ABCB5: variants seen among roughly 807,000 people sequenced by gnomAD.
The protein encoded by ABCB5 is ATP binding cassette subfamily B member 5, also known as ATP-binding cassette sub-family B member 5.
ABCB5 carries 155 observed loss-of-function variants against 144.2 expected under a neutral mutation model. The observed-to-expected ratio is 1.08, with a 90% CI of 0.94 to 1.23. The LOEUF (loss-of-function observed/expected upper bound fraction) is 1.23. Among genes scored for constraint, ABCB5 ranks in the 50% most tolerant of loss-of-function variants. The pLI is 0.00. For missense variants in ABCB5, 1,830 were observed against 1,520.8 expected (o/e 1.20, Z -3.38); for synonymous variants, 610 against 528.6 (o/e 1.15, Z -2.11).
At chr7:20,681,365 G>A (rs1330082037) in intron 14 of ABCB5, 140 bp from the exon 15 acceptor site, 8 of 817,940 alleles carry the variant, frequency 9.8e-6, no homozygotes, top group Non-Finnish European at 1.5e-5. Flanking sequence ...GACCTCAGGT[G>A]ATCCACCCTC....
intron 20 of ABCB5, among the ~76,000 whole-genome samples, chr7:20,714,968 A>T (rs534558780): frequency 6.6e-6 from 1 of 152,274 alleles, no homozygotes; most frequent in Non-Finnish European, 1.5e-5. Context: ...TCTTTCCCTA[A>T]TACACTACCC....
intron 14 of ABCB5, among the ~76,000 whole-genome samples, chr7:20,669,196 C>A (rs1180916805): frequency 4.1e-5 from 6 of 146,698 alleles, no homozygotes. Flanking sequence ...AGGAGCCCCT[C>A]TGCCCGGCCA....
chr7:20,723,741 T>G (rs934201381), intron 21 of ABCB5, among the ~76,000 whole-genome samples: 10 of 152,226 alleles, frequency 6.6e-5, no homozygotes, highest in Admixed American at 6.5e-4. Flanking sequence ...CAAATTTTCT[T>G]GAGCAATTCT....
chr7:20,626,631 A>C lies in ABCB5; in HGVS notation c.108+20A>C, dbSNP rs182947689. 9.4e-6 allele frequency: 15 copies of C among 1,587,922 alleles called. No individual in the cohort carries two copies. The Admixed American group carries it at 2.3e-4, about 25-fold the overall frequency. ...GAGATAGTAAGTGAAATCAGTTAGA[A>C]AGTACATGCATTAGAAGATTTTAGA... On this transcript the variant is annotated intron_variant, in intron 3 of 27. Coordinates refer to ENST00000404938, the MANE Select transcript of ABCB5 (RefSeq NM_001163941.2).
chr7:20,671,213 C>T (rs139020989), intron 14 of ABCB5, among the ~76,000 whole-genome samples: 4 of 152,272 alleles, frequency 2.6e-5, no homozygotes, highest in East Asian at 3.8e-4. Context: ...TTTTGCAGGG[C>T]ATTCATTAAA....
chr7:20,707,339 G>T (rs964994461), intron 20 of ABCB5, among the ~76,000 whole-genome samples: 1 of 152,120 alleles, frequency 6.6e-6, no homozygotes, highest in Non-Finnish European at 1.5e-5. Flanking sequence ...GTGAAATAGA[G>T]TCATAGGACA....
chr7:20,753,401 T>C lies in ABCB5; in HGVS notation c.3471T>C (p.Ser1157=). 1.2e-6 allele frequency: 2 copies of C among 1,614,164 alleles called. No individual in the cohort carries two copies. Among genetic ancestry groups the C allele is most frequent in the Non-Finnish European group, 8.5e-7 (1 of 1,180,008 alleles). Residue 1157 remains serine (S), a synonymous_variant, in exon 27 of 28, where the codon TCT becomes TCC. Coordinates refer to ENST00000404938, the MANE Select transcript of ABCB5 (RefSeq NM_001163941.2). ...TTGGACTGAAAGGAGCACAGCTTTCTGGCGGCCAGAAACAAAGACTAGCTA... is the reference window on the plus strand; with the variant it reads ...TTGGACTGAAAGGAGCACAGCTTTCCGGCGGCCAGAAACAAAGACTAGCTA... ...TQVGLKGAQL[S]GGQKQRLAIA...
At position 20,745,223 on chromosome 7, in the gene ABCB5, T is replaced by C; in HGVS notation, c.3223-9T>C. The C allele has an allele frequency of 6.2e-7, 1 of 1,613,772 alleles. No homozygotes were observed. Among genetic ancestry groups the C allele is most frequent in the East Asian group, 2.2e-5 (1 of 44,876 alleles). ...CTTAACACACCATTCTCCAATCTGCTTTTGGCAGCTGTTTGATGGTGTGGA... is the reference window on the plus strand; with the variant it reads ...CTTAACACACCATTCTCCAATCTGCCTTTGGCAGCTGTTTGATGGTGTGGA... On this transcript the variant is annotated splice_polypyrimidine_tract_variant and intron_variant, in intron 25 of 27. Coordinates refer to ENST00000404938, the MANE Select transcript of ABCB5 (RefSeq NM_001163941.2).
intron 6 of ABCB5, 24 bp downstream of exon 6, chr7:20,643,399 G>C: frequency 6.2e-7 from 1 of 1,613,376 alleles, no homozygotes; most frequent in Non-Finnish European, 8.5e-7. Flanking sequence ...ATTGTAGTAC[G>C]TTAGCTTTGT....
At chr7:20,743,213 C>T in intron 25 of ABCB5, 139 bp downstream of exon 25, 1 of 861,188 alleles carries the variant, frequency 1.2e-6, no homozygotes, top group Non-Finnish European at 1.8e-6. Context: ...TCTGTGTCAA[C>T]CCTTAACTAA....
intron 7 of ABCB5, among the ~76,000 whole-genome samples, chr7:20,644,755 T>G (rs1784366657): frequency 1.3e-5 from 2 of 152,224 alleles, no homozygotes; most frequent in South Asian, 2.1e-4. Flanking sequence ...GTTTATTTAC[T>G]AACAATATAG....
intron 16 of ABCB5, among the ~76,000 whole-genome samples, chr7:20,694,100 T>A (rs1003257814): frequency 1.4e-5 from 2 of 146,546 alleles, no homozygotes; most frequent in African/African-American, 5.0e-5. Flanking sequence ...AAAAAAGTGA[T>A]AAGGAAGAAG....
At chr7:20,623,788 T>C (rs1019218867) in intron 2 of ABCB5, among the ~76,000 whole-genome samples, 1 of 152,224 alleles carries the variant, frequency 6.6e-6, no homozygotes, top group Non-Finnish European at 1.5e-5. Context: ...TGGAATTCAT[T>C]AATTGAGAGT....
intron 27 of ABCB5, among the ~76,000 whole-genome samples, chr7:20,754,972 G>A (rs553280737): frequency 3.3e-5 from 5 of 149,702 alleles, no homozygotes; most frequent in South Asian, 2.1e-4. Context: ...TTTTTGAGAC[G>A]GAGTTTCACT....
At chr7:20,714,930 T>C (rs915137804) in intron 20 of ABCB5, among the ~76,000 whole-genome samples, 1 of 152,226 alleles carries the variant, frequency 6.6e-6, no homozygotes. Flanking sequence ...AATATTTGTC[T>C]AGCGTGGCTC....
chr7:20,691,615 T>C (rs937226601), intron 16 of ABCB5, among the ~76,000 whole-genome samples: 1 of 151,684 alleles, frequency 6.6e-6, no homozygotes, highest in Non-Finnish European at 1.5e-5. Context: ...TATTTATGAT[T>C]ATTATACTTG....
intron 16 of ABCB5, among the ~76,000 whole-genome samples, chr7:20,696,187 G>A (rs1434140685): frequency 6.6e-6 from 1 of 152,070 alleles, no homozygotes; most frequent in Non-Finnish European, 1.5e-5. Context: ...CAGGTGGATG[G>A]ATAATAATTT....
At chr7:20,694,993 A>C (rs1391338948) in intron 16 of ABCB5, among the ~76,000 whole-genome samples, 3 of 152,016 alleles carry the variant, frequency 2.0e-5, no homozygotes, top group Non-Finnish European at 4.4e-5. Flanking sequence ...AGTGAATAAG[A>C]AAATTCAGTA....
chr7:20,659,149 G>A, intron 14 of ABCB5: 2 of 1,613,732 alleles, frequency 1.2e-6, no homozygotes, highest in Non-Finnish European at 1.7e-6. Context: ...CGACAGCTCT[G>A]GCCCCTCAAA....
Sources: gnomAD v4.1 joint callset for allele counts (sites outside exome capture counted in the v4.1 genomes callset) on GRCh38, gnomAD v4.1.1 for gene constraint, MANE v1.5 for transcripts, NCBI Gene and HGNC (gene_info 2026-07-23, HGNC 2026-07-21) for gene names.